DAP: variants seen among roughly 807,000 people sequenced by gnomAD.
The protein encoded by DAP is death associated protein.
A neutral mutation model predicts 13.8 loss-of-function variants in DAP; 8 were observed. That is an observed-to-expected ratio of 0.58 (90% CI 0.34 to 1.05). The LOEUF is 1.05. DAP is among the 50% of genes least tolerant of loss of function. The probability of loss-of-function intolerance (pLI) is 0.03; values close to 1 mark genes in which losing one functional copy is unlikely to be tolerated. For missense variants in DAP, 106 were observed against 133.2 expected, an observed-to-expected ratio of 0.80 and a Z score of 1.01; for synonymous variants, 47 against 47.5, an observed-to-expected ratio of 0.99 and a Z score of 0.04.
chr5:10,708,957 G>C (rs1275271380), intron 2 of DAP, among the ~76,000 whole-genome samples: 1 of 152,216 alleles, frequency 6.6e-6, no homozygotes, highest in Non-Finnish European at 1.5e-5. Context: ...ACATAAACAA[G>C]ATAGTAGAAA....
chr5:10,702,879 T>G (rs1738616431), intron 2 of DAP, among the ~76,000 whole-genome samples: 1 of 152,168 alleles, frequency 6.6e-6, no homozygotes, highest in African/African-American at 2.4e-5. Context: ...GCGATGTCAC[T>G]CATGACCAAA....
At chr5:10,694,168 G>A (rs1183953160) in intron 2 of DAP, among the ~76,000 whole-genome samples, 5 of 152,198 alleles carry the variant, frequency 3.3e-5, no homozygotes, top group African/African-American at 9.6e-5. Context: ...CGAGGCAGCC[G>A]ACAGGGCCAG....
intron 2 of DAP, among the ~76,000 whole-genome samples, chr5:10,694,456 C>A (rs1312844781): frequency 6.6e-6 from 1 of 152,054 alleles, no homozygotes; most frequent in African/African-American, 2.4e-5. Context: ...AGGGTCGAAA[C>A]ACAGTTTCCA....
chr5:10,684,513 G>A (rs1451161412), intron 2 of DAP, among the ~76,000 whole-genome samples: 1 of 152,138 alleles, frequency 6.6e-6, no homozygotes, highest in Non-Finnish European at 1.5e-5. Flanking sequence ...GGCTCAAATC[G>A]CCAGCAGGTC....
intron 1 of DAP, among the ~76,000 whole-genome samples, chr5:10,752,671 T>A (rs1313728175): frequency 6.6e-6 from 1 of 152,168 alleles, no homozygotes; most frequent in Non-Finnish European, 1.5e-5. Context: ...TGCCTGTGCA[T>A]AAGTGTGTGC....
intron 2 of DAP, among the ~76,000 whole-genome samples, chr5:10,712,423 C>T (rs1397126145): frequency 6.6e-6 from 1 of 152,104 alleles, no homozygotes; most frequent in Non-Finnish European, 1.5e-5. Flanking sequence ...TTTGAAAAAG[C>T]CGCTTCAGTG....
chr5:10,730,416 G>C lies in DAP; in HGVS notation c.152+17759C>G, dbSNP rs749664707. 1.1e-4 allele frequency among the ~76,000 whole-genome samples: 17 copies of C among 151,584 alleles called. No homozygotes were observed. The East Asian group carries it at 1.2e-3, about 10-fold the overall frequency. The stretch of plus-strand genomic sequence containing the variant: ...GAGTGGGGGACTGAGAGCCCCGGTG[G>C]GGGGGAATCTTTCTCTACTGAGAGC... On this transcript the variant is annotated intron_variant, in intron 2 of 3. Coordinates refer to ENST00000230895, the MANE Select transcript of DAP (RefSeq NM_004394.3).
chr5:10,743,630 T>C (rs1739817202), intron 2 of DAP, among the ~76,000 whole-genome samples: 1 of 152,206 alleles, frequency 6.6e-6, no homozygotes, highest in African/African-American at 2.4e-5. Context: ...TTTTCTCTAG[T>C]GAACCCTGAC....
intron 2 of DAP, among the ~76,000 whole-genome samples, chr5:10,703,473 A>C (rs898989224): frequency 6.6e-6 from 1 of 152,218 alleles, no homozygotes; most frequent in Admixed American, 6.5e-5. Context: ...AAGCTTCGGA[A>C]CAACTGTGCA....
In DAP at chr5:10,684,460, A is replaced by G. The variant is rs183403264; in HGVS notation, c.153-889T>C. ...GTATTGAGGGAATGGATGCAGTACC[A>G]AAGCAGTACAGCTCAGTGTGAAAAA... On this transcript the variant is annotated intron_variant, in intron 2 of 3. Coordinates refer to ENST00000230895, the MANE Select transcript of DAP (RefSeq NM_004394.3). Among the ~76,000 whole-genome samples, 20 of 152,346 alleles carry G rather than the reference A, an allele frequency of 1.3e-4. No homozygotes were observed. In the East Asian group the frequency reaches 3.7e-3, roughly 28 times the overall value.
intron 2 of DAP, among the ~76,000 whole-genome samples, chr5:10,702,238 C>G (rs1738597805): frequency 6.6e-6 from 1 of 152,184 alleles, no homozygotes; most frequent in African/African-American, 2.4e-5. Context: ...CATCACCGGT[C>G]AGCGACCCTC....
At chr5:10,721,778 C>T (rs550231645) in intron 2 of DAP, among the ~76,000 whole-genome samples, 7 of 152,318 alleles carry the variant, frequency 4.6e-5, no homozygotes, top group Admixed American at 1.3e-4. Flanking sequence ...TGACCAGTTC[C>T]GGCTCCAGAA....
At chr5:10,740,250 A>G (rs866431906) in intron 2 of DAP, among the ~76,000 whole-genome samples, 1 of 152,244 alleles carries the variant, frequency 6.6e-6, no homozygotes, top group South Asian at 2.1e-4. Flanking sequence ...ATAGGAGAGG[A>G]AAAAAGAGTC....
At chr5:10,683,605 A>G (rs758797296) in intron 2 of DAP, 34 bp from the exon 3 acceptor site, 22 of 1,607,170 alleles carry the variant, frequency 1.4e-5, no homozygotes, top group Non-Finnish European at 1.7e-5. Context: ...CAGATTTAAC[A>G]AAACAGTCCA....
At chr5:10,760,114 C>A (rs915606841) in intron 1 of DAP, among the ~76,000 whole-genome samples, 8 of 152,178 alleles carry the variant, frequency 5.3e-5, no homozygotes, top group African/African-American at 1.9e-4. Context: ...CCATGTTTCT[C>A]AAAGACTTCT....
At chr5:10,751,732 GAGAA>G (rs1436460949) in intron 1 of DAP, among the ~76,000 whole-genome samples, 5 of 152,176 alleles carry the variant, frequency 3.3e-5, no homozygotes, top group African/African-American at 7.2e-5. Flanking sequence ...GTCTCTATAA[GAGAA>G]AGAGACACCG....
At chr5:10,696,611 C>T (rs1487152530) in intron 2 of DAP, among the ~76,000 whole-genome samples, 1 of 152,190 alleles carries the variant, frequency 6.6e-6, no homozygotes, top group African/African-American at 2.4e-5. Flanking sequence ...TTGGAATAGG[C>T]CTCCACTGAC....
At chr5:10,692,803 T>C (rs776915126) in intron 2 of DAP, among the ~76,000 whole-genome samples, 4 of 152,124 alleles carry the variant, frequency 2.6e-5, no homozygotes, top group African/African-American at 7.2e-5. Context: ...AAAGGACCGA[T>C]TGCTAGTAAT....
intron 2 of DAP, among the ~76,000 whole-genome samples, chr5:10,745,262 A>G (rs1196043259): frequency 6.6e-6 from 1 of 152,208 alleles, no homozygotes; most frequent in Non-Finnish European, 1.5e-5. Context: ...GAGTGTACAC[A>G]GGCTTACCCC....
Sources: allele counts gnomAD v4.1 joint callset (sites outside exome capture counted in the v4.1 genomes callset), GRCh38; gene constraint gnomAD v4.1.1; transcripts MANE v1.5; gene names NCBI Gene and HGNC (gene_info 2026-07-23, HGNC 2026-07-21).